CGNL1: variants seen among roughly 807,000 people sequenced by gnomAD.
CGNL1 encodes the protein cingulin like 1.
A neutral mutation model predicts 141.2 loss-of-function variants in CGNL1; 132 were observed. The ratio of observed to expected loss-of-function variants is 0.93; its 90% CI spans 0.81 to 1.08. The LOEUF (loss-of-function observed/expected upper bound fraction) is 1.08, where lower values mean the gene tolerates loss of function less well. CGNL1 is among the 50% of genes least tolerant of loss of function. The pLI is 0.00. For missense variants in CGNL1, 1,870 were observed against 1,588.6 expected (o/e 1.18, Z -3.01); for synonymous variants, 690 against 622.1 (o/e 1.11, Z -1.63).
At chr15:57,392,296 T>C (rs1277240360) in intron 1 of CGNL1, among the ~76,000 whole-genome samples, 2 of 152,078 alleles carry the variant, frequency 1.3e-5, no homozygotes, top group Admixed American at 6.5e-5. Flanking sequence ...CATGATGTGA[T>C]AGGATAGGAG....
At chr15:57,456,203 A>G (rs1423635458) in intron 7 of CGNL1, among the ~76,000 whole-genome samples, 1 of 152,224 alleles carries the variant, frequency 6.6e-6, no homozygotes, top group Non-Finnish European at 1.5e-5. Flanking sequence ...ATAACAGAGT[A>G]TAGTTGTGGC....
intron 1 of CGNL1, among the ~76,000 whole-genome samples, chr15:57,412,793 G>A (rs1369295137): frequency 1.2e-4 from 18 of 152,216 alleles, no homozygotes; most frequent in African/African-American, 4.3e-4. Context: ...CATATGTGAT[G>A]AGAGTTGATC....
intron 8 of CGNL1, among the ~76,000 whole-genome samples, chr15:57,462,264 A>G (rs1476568446): frequency 1.2e-4 from 19 of 152,308 alleles, no homozygotes; most frequent in African/African-American, 4.3e-4. Flanking sequence ...AGAAGTGCAG[A>G]CGGGACCCAG....
chr15:57,440,299 C>A, intron 2 of CGNL1, 78 bp from the exon 3 acceptor site: 1 of 1,003,322 alleles, frequency 1.0e-6, no homozygotes, highest in South Asian at 1.4e-5. Context: ...GAAGGATGCT[C>A]ACTGGAGGAA....
At chr15:57,397,679 G>C (rs1023248002) in intron 1 of CGNL1, among the ~76,000 whole-genome samples, 1 of 151,934 alleles carries the variant, frequency 6.6e-6, no homozygotes, top group Non-Finnish European at 1.5e-5. Flanking sequence ...TGTTATCCCC[G>C]TGTCCTTTGA....
intron 8 of CGNL1, among the ~76,000 whole-genome samples, chr15:57,508,232 G>T (rs1309634294): frequency 8.1e-6 from 1 of 123,398 alleles, no homozygotes; most frequent in Admixed American, 1.2e-4. Flanking sequence ...GCTTATCACT[G>T]TATAACCAAC....
intron 8 of CGNL1, among the ~76,000 whole-genome samples, chr15:57,497,512 G>A (rs927790403): frequency 1.3e-5 from 2 of 152,234 alleles, no homozygotes; most frequent in Admixed American, 1.3e-4. Context: ...ATCCTGCAAA[G>A]TAAAAGTCTG....
At chr15:57,414,039 T>C (rs1169615414) in intron 1 of CGNL1, among the ~76,000 whole-genome samples, 7 of 152,218 alleles carry the variant, frequency 4.6e-5, no homozygotes, top group African/African-American at 4.8e-5. Context: ...GAAGGCACTA[T>C]GTGAAGAGAA....
chr15:57,466,823 A>G (rs2063516456), intron 8 of CGNL1, among the ~76,000 whole-genome samples: 1 of 152,192 alleles, frequency 6.6e-6, no homozygotes, highest in Admixed American at 6.5e-5. Flanking sequence ...CATGATGTTA[A>G]TGTTAATCTT....
rs59213732 is a variant in CGNL1 at position 57,383,292 on chromosome 15, C to CTTTTTTTTTTTTTTT, written c.-16+6738_-16+6739insTTTTTTTTTTTTTTT. On this transcript the variant is annotated intron_variant, in intron 1 of 18. Coordinates refer to ENST00000281282, the MANE Select transcript of CGNL1 (RefSeq NM_032866.5). ...TAACAAACTTAAGATTTCTTTCTTC[C>CTTTTTTTTTTTTTTT]TTTTTTTTTTTTTGTTTTTTTGATA... 4.0e-3 allele frequency among the ~76,000 whole-genome samples: 443 copies of CTTTTTTTTTTTTTTT among 109,452 alleles called. 15 individuals carry two copies. Among genetic ancestry groups the CTTTTTTTTTTTTTTT allele is most frequent in the African/African-American group, 0.015 (409 of 27,300 alleles). The allele number at this position is 109,452 out of a possible 152,430, so 71.8% of individuals were successfully genotyped here.
intron 1 of CGNL1, among the ~76,000 whole-genome samples, chr15:57,426,723 T>C (rs759774657): frequency 6.6e-6 from 1 of 151,038 alleles, no homozygotes; most frequent in Non-Finnish European, 1.5e-5. Flanking sequence ...CCTCCCAAAG[T>C]GTTGGGATTA....
intron 1 of CGNL1, among the ~76,000 whole-genome samples, chr15:57,394,325 A>G (rs1291239158): frequency 6.6e-6 from 1 of 151,876 alleles, no homozygotes; most frequent in Non-Finnish European, 1.5e-5. Flanking sequence ...GGGTTTCTCC[A>G]TGTTGGTCAG....
At chr15:57,473,171 T>C (rs1426466691) in intron 8 of CGNL1, among the ~76,000 whole-genome samples, 1 of 152,188 alleles carries the variant, frequency 6.6e-6, no homozygotes, top group East Asian at 1.9e-4. Context: ...CACCATAATA[T>C]TGCAAACAGT....
At chr15:57,523,373 A>T in intron 10 of CGNL1, 116 bp from the exon 11 acceptor site, 1 of 811,354 alleles carries the variant, frequency 1.2e-6, no homozygotes, top group Non-Finnish European at 1.9e-6. Context: ...CTTCCTCATC[A>T]CGGATTTAAC....
intron 12 of CGNL1, among the ~76,000 whole-genome samples, chr15:57,525,471 G>A (rs1344162635): frequency 6.6e-6 from 1 of 152,140 alleles, no homozygotes; most frequent in Non-Finnish European, 1.5e-5. Flanking sequence ...AGTTTTCTGA[G>A]CATATGTTTC....
chr15:57,540,083 C>T (rs2032483172), intron 14 of CGNL1, among the ~76,000 whole-genome samples: 1 of 152,176 alleles, frequency 6.6e-6, no homozygotes, highest in Non-Finnish European at 1.5e-5. Context: ...GATTGCTTAA[C>T]CTGCCCCCTC....
chr15:57,487,753 A>G (rs189130839), intron 8 of CGNL1, among the ~76,000 whole-genome samples: 1 of 152,342 alleles, frequency 6.6e-6, no homozygotes, highest in East Asian at 1.9e-4. Context: ...TCTGAGAAAC[A>G]GAGTTGCTGT....
Position 57,498,171 on chromosome 15 carries a change from A to G in CGNL1, c.2404-18609A>G, listed in dbSNP as rs1224564277. On this transcript the variant is annotated intron_variant, in intron 8 of 18. Transcript: ENST00000281282. ...ATAGCATTGGGTTCTTGTCTCCACT[A>G]TAGAATATATAGTCTTGTGTTGTGC... Among the ~76,000 whole-genome samples, 3 of 151,688 alleles carry G rather than the reference A, an allele frequency of 2.0e-5. 1 individual carries two copies. Among genetic ancestry groups the G allele is most frequent in the Non-Finnish European group, 4.4e-5 (3 of 67,930 alleles).
Position 57,548,192 on chromosome 15 carries a change from G to A in CGNL1, c.*702G>A, listed in dbSNP as rs2032968781. 6.6e-6 allele frequency: 1 copy of A among 152,004 alleles called. No individual in the cohort carries two copies. Among genetic ancestry groups the A allele is most frequent in the East Asian group, 1.9e-4 (1 of 5,178 alleles). The allele number at this position is 152,004 out of a possible 1,614,324, so 9.4% of individuals were successfully genotyped here. A position where few individuals can be genotyped will look rare whatever the true frequency, so the allele number is the denominator to read the frequency against. On this transcript the variant is annotated 3_prime_UTR_variant, in exon 19 of 19. Coordinates refer to ENST00000281282, the MANE Select transcript of CGNL1 (RefSeq NM_032866.5). ...AATTTTTTGTATTTAGTAGAGACGGGGTTTCACCATGTTGGTCAGGCTGGT... is the reference window on the plus strand; with the variant it reads ...AATTTTTTGTATTTAGTAGAGACGGAGTTTCACCATGTTGGTCAGGCTGGT...
Sources: allele counts gnomAD v4.1 joint callset (sites outside exome capture counted in the v4.1 genomes callset), GRCh38; gene constraint gnomAD v4.1.1; transcripts MANE v1.5; gene names NCBI Gene and HGNC (gene_info 2026-07-23, HGNC 2026-07-21).